FOXP2: variants seen among roughly 807,000 people sequenced by gnomAD.
FOXP2 encodes the protein forkhead box P2, also known as forkhead box protein P2.
FOXP2 carries 12 observed loss-of-function variants against 115.8 expected under a neutral mutation model. The ratio of observed to expected loss-of-function variants is 0.10; its 90% CI spans 0.07 to 0.17. The LOEUF is 0.17. FOXP2 is among the 10% of genes least tolerant of loss of function. The probability of loss-of-function intolerance (pLI) is 1.00; values close to 1 mark genes in which losing one functional copy is unlikely to be tolerated. For missense variants in FOXP2, 629 were observed against 843.5 expected (o/e 0.75, Z 3.15); for synonymous variants, 328 against 297.7 (o/e 1.10, Z -1.05).
intron 9 of FOXP2, chr7:114,653,292 A>G (rs1806382226): frequency 6.3e-6 from 1 of 158,786 alleles, no homozygotes; most frequent in African/African-American, 2.4e-5. Context: ...CTTCGGTGTG[A>G]CCAATTACGC....
At chr7:114,386,301 G>T (rs1183085806) in intron 2 of FOXP2, among the ~76,000 whole-genome samples, 1 of 152,204 alleles carries the variant, frequency 6.6e-6, no homozygotes, top group East Asian at 1.9e-4. Flanking sequence ...GGAACCCAAA[G>T]GGGGTTGCTG....
intron 3 of FOXP2, among the ~76,000 whole-genome samples, chr7:114,627,783 T>G (rs1022555461): frequency 1.3e-5 from 2 of 152,196 alleles, no homozygotes; most frequent in Non-Finnish European, 2.9e-5. Context: ...AACCTTTGAG[T>G]AATTGCTAAA....
chr7:114,646,279 A>G (rs1805886050), intron 8 of FOXP2, among the ~76,000 whole-genome samples: 1 of 151,992 alleles, frequency 6.6e-6, no homozygotes, highest in South Asian at 2.1e-4. Context: ...ATTGCTCCAA[A>G]TTGTTCTTTC....
At chr7:114,386,639 C>T (rs1792461515) in intron 2 of FOXP2, among the ~76,000 whole-genome samples, 1 of 152,144 alleles carries the variant, frequency 6.6e-6, no homozygotes, top group Non-Finnish European at 1.5e-5. Context: ...ACCAGATTTA[C>T]AGTCAATGCA....
chr7:114,349,712 T>G (rs1236447406), intron 2 of FOXP2, among the ~76,000 whole-genome samples: 1 of 151,898 alleles, frequency 6.6e-6, no homozygotes, highest in Non-Finnish European at 1.5e-5. Context: ...TCTTCACTTA[T>G]GTATTAGCAT....
At chr7:114,278,045 A>T (rs1368487435) in intron 1 of FOXP2, among the ~76,000 whole-genome samples, 1 of 150,848 alleles carries the variant, frequency 6.6e-6, no homozygotes, top group Non-Finnish European at 1.5e-5. Context: ...AAAAAAAAAA[A>T]AAAGAATTCA....
intron 2 of FOXP2, among the ~76,000 whole-genome samples, chr7:114,378,486 C>A (rs1348607201): frequency 6.6e-6 from 1 of 151,576 alleles, no homozygotes; most frequent in South Asian, 2.1e-4. Context: ...GAGTTTGAAA[C>A]CAGTCTGGGC....
rs542460304 is a variant in FOXP2 at position 114,461,449 on chromosome 7, A to G, written c.168+34770A>G. Among the ~76,000 whole-genome samples the G allele has an allele frequency of 1.4e-4, 21 of 151,710 alleles. No individual in the cohort carries two copies. In the East Asian group the frequency reaches 1.7e-3, roughly 13 times the overall value. On this transcript the variant is annotated intron_variant, in intron 2 of 16. Coordinates refer to ENST00000350908, the MANE Select transcript of FOXP2 (RefSeq NM_014491.4). ...TATTTGACCATGATTGTGTCCTGCT[A>G]TATGTGTTATTTTTCTGAGGTGGAA...
At chr7:114,470,198 C>T (rs1795985451) in intron 2 of FOXP2, among the ~76,000 whole-genome samples, 1 of 152,142 alleles carries the variant, frequency 6.6e-6, no homozygotes, top group Non-Finnish European at 1.5e-5. Context: ...CAATATTCTC[C>T]CATTGCTCTC....
intron 3 of FOXP2, among the ~76,000 whole-genome samples, chr7:114,609,649 A>G (rs76742597): frequency 0.026 from 3,980 of 152,226 alleles, 220 homozygotes; most frequent in East Asian, 0.24. Context: ...CTTCAATTTT[A>G]TGAAATGTCT....
At chr7:114,152,035 C>T (rs1352052481) in intron 1 of FOXP2, among the ~76,000 whole-genome samples, 1 of 151,690 alleles carries the variant, frequency 6.6e-6, no homozygotes, top group Non-Finnish European at 1.5e-5. Flanking sequence ...AACTACAGCT[C>T]GAATGTAAAA....
intron 1 of FOXP2, among the ~76,000 whole-genome samples, chr7:114,098,992 G>A (rs531616692): frequency 6.6e-6 from 1 of 151,990 alleles, no homozygotes; most frequent in Non-Finnish European, 1.5e-5. Context: ...AAAATTAGCC[G>A]GGCATGGTGG....
chr7:114,635,584 T>C (rs1016887310), intron 6 of FOXP2, among the ~76,000 whole-genome samples: 1 of 152,140 alleles, frequency 6.6e-6, no homozygotes, highest in Admixed American at 6.6e-5. Context: ...TACTTACATA[T>C]ATAGAAAAAT....
chr7:114,349,776 C>A (rs1418952652), intron 2 of FOXP2, among the ~76,000 whole-genome samples: 1 of 151,972 alleles, frequency 6.6e-6, no homozygotes, highest in Non-Finnish European at 1.5e-5. Context: ...TATGGAGATG[C>A]ATACTGGTGT....
chr7:114,574,757 G>A (rs898041402), intron 3 of FOXP2, among the ~76,000 whole-genome samples: 3 of 151,882 alleles, frequency 2.0e-5, no homozygotes, highest in African/African-American at 7.2e-5. Flanking sequence ...AGGCAATTAT[G>A]TGGAATGCTT....
At chr7:114,523,632 G>A (rs185640843) in intron 2 of FOXP2, among the ~76,000 whole-genome samples, 5 of 152,232 alleles carry the variant, frequency 3.3e-5, no homozygotes, top group Admixed American at 2.6e-4. Flanking sequence ...ATTGCAGAAA[G>A]CTAGAATGTG....
intron 1 of FOXP2, among the ~76,000 whole-genome samples, chr7:114,120,379 C>T (rs1791526184): frequency 6.6e-6 from 1 of 152,060 alleles, no homozygotes; most frequent in South Asian, 2.1e-4. Context: ...ATTTAGAGCA[C>T]TGGCATTTAT....
chr7:114,364,539 G>T (rs1312012127), intron 2 of FOXP2, among the ~76,000 whole-genome samples: 4 of 152,226 alleles, frequency 2.6e-5, no homozygotes, highest in African/African-American at 9.6e-5. Flanking sequence ...TTTGCTGTTT[G>T]TTAATCTTAC....
At chr7:114,659,754 AAGCAGAT>A in intron 13 of FOXP2, 81 bp downstream of exon 13, 1 of 1,111,062 alleles carries the variant, frequency 9.0e-7, no homozygotes, top group Non-Finnish European at 1.4e-6. Context: ...TACATGACAT[AAGCAGAT>A]TAGTATCTGC....
Sources: allele counts gnomAD v4.1 joint callset (sites outside exome capture counted in the v4.1 genomes callset), GRCh38; gene constraint gnomAD v4.1.1; transcripts MANE v1.5; gene names NCBI Gene and HGNC (gene_info 2026-07-23, HGNC 2026-07-21).